The following MICU1 variants were observed in gnomAD, a reference collection of about 807,000 sequenced individuals.
MICU1 encodes mitochondrial calcium uptake 1.
MICU1 carries 45 observed loss-of-function variants against 56.8 expected under a neutral mutation model. The ratio of observed to expected loss-of-function variants is 0.79; its 90% CI spans 0.62 to 1.02. The LOEUF is 1.02. Ranked by LOEUF, MICU1 falls within the 50% of genes least tolerant of loss-of-function variation. The probability of loss-of-function intolerance (pLI) is 0.00; values close to 1 mark genes in which losing one functional copy is unlikely to be tolerated. For synonymous variants in MICU1, 186 were observed against 195.1 expected, an observed-to-expected ratio of 0.95 and a Z score of 0.39; for missense variants, 504 against 587.1, an observed-to-expected ratio of 0.86 and a Z score of 1.46.
chr10:72,570,300 C>T (rs1177451712), intron 1 of MICU1, among the ~76,000 whole-genome samples: 4 of 151,998 alleles, frequency 2.6e-5, no homozygotes, highest in African/African-American at 4.8e-5. Context: ...CTATGGCATA[C>T]GTAATTTTTT....
chr10:72,455,676 A>T (rs1004832403), intron 8 of MICU1, among the ~76,000 whole-genome samples: 2 of 152,208 alleles, frequency 1.3e-5, no homozygotes, highest in Non-Finnish European at 2.9e-5. Flanking sequence ...AATTGAGGGA[A>T]CAAATTACAA....
At position 72,442,987 on chromosome 10, in the gene MICU1, C is replaced by A. The variant is rs190578373; in HGVS notation, c.934-19616G>T. On this transcript the variant is annotated intron_variant, in intron 8 of 11. Transcript: ENST00000361114. ...GGCCAGGCTGGTCTCGAACTACTGA[C>A]CTCAGGTGATCTGCCTGCCTCAGCC... 2.6e-4 allele frequency among the ~76,000 whole-genome samples: 40 copies of A among 152,272 alleles called. No individual in the cohort carries two copies. The East Asian group carries it at 7.7e-3, about 29-fold the overall frequency.
At chr10:72,447,739 A>G (rs1865149533) in intron 8 of MICU1, among the ~76,000 whole-genome samples, 1 of 152,202 alleles carries the variant, frequency 6.6e-6, no homozygotes, top group African/African-American at 2.4e-5. Context: ...CAATGAATCT[A>G]TCATGAAAAG....
chr10:72,580,284 A>G (rs1840862245), intron 1 of MICU1, among the ~76,000 whole-genome samples: 1 of 152,000 alleles, frequency 6.6e-6, no homozygotes, highest in Non-Finnish European at 1.5e-5. Context: ...ATTCCATCCA[A>G]TGTTATTTTT....
At chr10:72,391,842 T>C (rs1422119644) in intron 10 of MICU1, 1 of 152,214 alleles carries the variant, frequency 6.6e-6, no homozygotes, top group East Asian at 1.9e-4. Flanking sequence ...AGTAAGCCTT[T>C]TTTGGTCAAC....
At chr10:72,420,308 G>A (rs1313068329) in intron 9 of MICU1, among the ~76,000 whole-genome samples, 1 of 152,110 alleles carries the variant, frequency 6.6e-6, no homozygotes, top group Non-Finnish European at 1.5e-5. Flanking sequence ...TGATTTGCCT[G>A]CCTCGGCCTC....
intron 1 of MICU1, among the ~76,000 whole-genome samples, chr10:72,589,309 A>G (rs1564950203): frequency 6.6e-6 from 1 of 151,914 alleles, no homozygotes; most frequent in South Asian, 2.1e-4. Context: ...AAAAAAGGAC[A>G]TAATGGTAGT....
At chr10:72,516,798 C>T (rs758160290) in intron 5 of MICU1, among the ~76,000 whole-genome samples, 20 of 152,024 alleles carry the variant, frequency 1.3e-4, no homozygotes, top group Non-Finnish European at 2.8e-4. Flanking sequence ...GTCTATATGT[C>T]GTTTTGTGAT....
intron 1 of MICU1, among the ~76,000 whole-genome samples, chr10:72,586,810 G>C (rs1337297784): frequency 2.0e-5 from 3 of 152,172 alleles, no homozygotes; most frequent in Non-Finnish European, 2.9e-5. Context: ...TACGAAATTT[G>C]TGTGTTTTAA....
chr10:72,406,352 T>C (rs1307757761), intron 10 of MICU1, among the ~76,000 whole-genome samples: 2 of 152,092 alleles, frequency 1.3e-5, no homozygotes, highest in East Asian at 1.9e-4. Context: ...TGGGGAGATA[T>C]ATTATGCTCG....
chr10:72,372,188 G>C (rs1000606181), intron 11 of MICU1, among the ~76,000 whole-genome samples: 1 of 151,958 alleles, frequency 6.6e-6, no homozygotes, highest in South Asian at 2.1e-4. Context: ...GGGCAACATC[G>C]CAAGACTCTT....
chr10:72,564,628 A>G (rs1160169005), intron 2 of MICU1, among the ~76,000 whole-genome samples: 1 of 152,120 alleles, frequency 6.6e-6, no homozygotes, highest in East Asian at 1.9e-4. Context: ...CTAGACCACA[A>G]AGAGGATCCC....
intron 1 of MICU1, among the ~76,000 whole-genome samples, chr10:72,585,799 T>G (rs75721315): frequency 6.6e-6 from 1 of 152,062 alleles, no homozygotes; most frequent in Non-Finnish European, 1.5e-5. Flanking sequence ...AGGACCCTCA[T>G]AGACACCAAA....
At chr10:72,594,629 T>TG (rs1324468375) in intron 1 of MICU1, among the ~76,000 whole-genome samples, 1 of 151,964 alleles carries the variant, frequency 6.6e-6, no homozygotes, top group Non-Finnish European at 1.5e-5. Flanking sequence ...CCAGGTGTGG[T>TG]GGCTCACATC....
chr10:72,403,105 C>G (rs909003654), intron 10 of MICU1, among the ~76,000 whole-genome samples: 2 of 152,048 alleles, frequency 1.3e-5, no homozygotes, highest in East Asian at 3.9e-4. Flanking sequence ...GGGCCGGGCG[C>G]GGTGGCTGAC....
chr10:72,620,543 T>C (rs570339950), intron 1 of MICU1, among the ~76,000 whole-genome samples: 1 of 152,292 alleles, frequency 6.6e-6, no homozygotes, highest in African/African-American at 2.4e-5. Context: ...AATGCAAGCA[T>C]TATTTGTATC....
chr10:72,411,214 A>G (rs1863800181), intron 9 of MICU1, among the ~76,000 whole-genome samples: 1 of 152,160 alleles, frequency 6.6e-6, no homozygotes, highest in South Asian at 2.1e-4. Context: ...ATGAGGAGCT[A>G]TTATTTAATG....
intron 1 of MICU1, among the ~76,000 whole-genome samples, chr10:72,615,457 T>C (rs1841953516): frequency 6.6e-6 from 1 of 152,110 alleles, no homozygotes; most frequent in African/African-American, 2.4e-5. Flanking sequence ...TATTCCTTTT[T>C]TTTCCTGTAA....
chr10:72,426,021 T>A (rs957347550), intron 8 of MICU1, among the ~76,000 whole-genome samples: 1 of 151,694 alleles, frequency 6.6e-6, no homozygotes, highest in Admixed American at 6.6e-5. Context: ...AATCCAAAAC[T>A]TTTTTTGTTG....
Sources: allele counts gnomAD v4.1 joint callset (sites outside exome capture counted in the v4.1 genomes callset), GRCh38; gene constraint gnomAD v4.1.1; transcripts MANE v1.5; gene names NCBI Gene and HGNC (gene_info 2026-07-23, HGNC 2026-07-21).